The following CYTIP variants were observed in gnomAD, a reference collection of about 807,000 sequenced individuals.
CYTIP encodes cytohesin-interacting protein.
CYTIP carries 26 observed loss-of-function variants against 43.8 expected under a neutral mutation model. That is an observed-to-expected ratio of 0.59 (90% confidence interval 0.44 to 0.82). CYTIP has a LOEUF of 0.82. Ranked by LOEUF, CYTIP falls within the 40% of genes least tolerant of loss-of-function variation. CYTIP has a pLI of 0.00. For synonymous variants in CYTIP, 162 were observed against 162.9 expected (o/e 0.99, Z 0.04); for missense variants, 426 against 443.1 (o/e 0.96, Z 0.35).
At chr2:157,429,260 C>A (rs1439777572) in intron 5 of CYTIP, among the ~76,000 whole-genome samples, 3 of 152,172 alleles carry the variant, frequency 2.0e-5, no homozygotes, top group Non-Finnish European at 4.4e-5. Context: ...ACATGCCAAG[C>A]CCATTGTGAG....
intron 7 of CYTIP, 61 bp from the exon 8 acceptor site, chr2:157,416,204 T>C (rs1685438791): frequency 1.5e-6 from 2 of 1,327,020 alleles, no homozygotes; most frequent in East Asian, 2.3e-5. Flanking sequence ...ATAAATACAC[T>C]ACATCAAAAC....
chr2:157,438,561 G>A (rs1394244036), intron 1 of CYTIP, among the ~76,000 whole-genome samples: 1 of 152,192 alleles, frequency 6.6e-6, no homozygotes, highest in Non-Finnish European at 1.5e-5. Context: ...AATGATCATT[G>A]TGTGAGGGAG....
At chr2:157,422,732 C>T (rs1685541666) in intron 6 of CYTIP, among the ~76,000 whole-genome samples, 1 of 150,518 alleles carries the variant, frequency 6.6e-6, no homozygotes, top group Non-Finnish European at 1.5e-5. Flanking sequence ...TTTTATAATC[C>T]TCTGAGAGAT....
At chr2:157,443,429 A>G (rs1476417415) in intron 1 of CYTIP, among the ~76,000 whole-genome samples, 1 of 152,324 alleles carries the variant, frequency 6.6e-6, no homozygotes, top group South Asian at 2.1e-4. Context: ...TGTCCTCAGA[A>G]AAAGTATTTC....
At chr2:157,442,411 A>G (rs763862773) in intron 1 of CYTIP, among the ~76,000 whole-genome samples, 9 of 151,280 alleles carry the variant, frequency 5.9e-5, no homozygotes, top group Non-Finnish European at 1.2e-4. Flanking sequence ...GGTTGCAGGT[A>G]TGGAGGACAT....
intron 1 of CYTIP, among the ~76,000 whole-genome samples, chr2:157,438,425 T>C (rs536231067): frequency 6.6e-6 from 1 of 152,286 alleles, no homozygotes; most frequent in African/African-American, 2.4e-5. Flanking sequence ...GATAAAAAAT[T>C]ACAGCTAGAT....
At chr2:157,422,378 G>T (rs1181861179) in intron 6 of CYTIP, among the ~76,000 whole-genome samples, 5 of 152,082 alleles carry the variant, frequency 3.3e-5, no homozygotes, top group Non-Finnish European at 5.9e-5. Context: ...AAATAGAAAA[G>T]TGTTCAAGGC....
intron 5 of CYTIP, among the ~76,000 whole-genome samples, chr2:157,428,465 T>A (rs1029777419): frequency 3.3e-5 from 5 of 152,240 alleles, no homozygotes; most frequent in Non-Finnish European, 5.9e-5. Context: ...TGGGAATCCA[T>A]ATGAATCTGT....
chr2:157,430,678 G>T, intron 4 of CYTIP, 26 bp from the exon 5 acceptor site: 1 of 1,594,844 alleles, frequency 6.3e-7, no homozygotes. Context: ...AAAAATGAGT[G>T]TTATGTTGGT....
intron 6 of CYTIP, among the ~76,000 whole-genome samples, chr2:157,419,179 T>C (rs1374749281): frequency 6.6e-6 from 1 of 152,182 alleles, no homozygotes; most frequent in East Asian, 1.9e-4. Context: ...TCTGTCTTTT[T>C]AGTAGCGACG....
chr2:157,436,855 T>A (rs567474127), intron 1 of CYTIP, among the ~76,000 whole-genome samples: 15 of 152,306 alleles, frequency 9.8e-5, no homozygotes, highest in Non-Finnish European at 1.6e-4. Context: ...AGGAGAAATA[T>A]GTAAAGATAG....
At chr2:157,416,180 A>T in intron 7 of CYTIP, 37 bp from the exon 8 acceptor site, 1 of 1,488,408 alleles carries the variant, frequency 6.7e-7, no homozygotes, top group Non-Finnish European at 9.1e-7. Flanking sequence ...GGATCTGTTC[A>T]TTACTCCCTA....
chr2:157,416,236 A>C lies in CYTIP; in HGVS notation c.614-93T>G, dbSNP rs538901339. The C allele has an allele frequency of 7.1e-4, 746 of 1,055,280 alleles. 4 individuals are homozygous for C. The African/African-American group carries it at 0.011, about 15-fold the overall frequency. The allele number at this position is 1,055,280 out of a possible 1,614,324, so 65.4% of individuals were successfully genotyped here. ...AAACTTCTCTTTGAATGACACGAGAAAGAGTAAGGGTGAAAAATACTTTTC... is the reference window on the plus strand; with the variant it reads ...AAACTTCTCTTTGAATGACACGAGACAGAGTAAGGGTGAAAAATACTTTTC... On this transcript the variant is annotated intron_variant, in intron 7 of 7. Coordinates refer to ENST00000264192, the MANE Select transcript of CYTIP (RefSeq NM_004288.5).
chr2:157,434,849 TCACACACACACACACA>T (rs1214076041), intron 1 of CYTIP, 102 bp from the exon 2 acceptor site: 54 of 48,730 alleles, frequency 1.1e-3, no homozygotes, highest in African/African-American at 4.6e-3. Context: ...TCTCTCTCTC[TCACACACACACACACA>T]CACACACACA....
At chr2:157,434,030 C>A (rs1321207410) in intron 3 of CYTIP, 3 of 304,570 alleles carry the variant, frequency 9.8e-6, no homozygotes, top group Non-Finnish European at 1.8e-5. Flanking sequence ...AAAACACATG[C>A]AAATATATCA....
At chr2:157,439,993 C>G (rs1653160581) in intron 1 of CYTIP, among the ~76,000 whole-genome samples, 1 of 152,214 alleles carries the variant, frequency 6.6e-6, no homozygotes, top group Non-Finnish European at 1.5e-5. Flanking sequence ...CTTAGAGAAG[C>G]TCAAAGTTCA....
intron 3 of CYTIP, chr2:157,434,143 C>A: frequency 1.7e-6 from 1 of 571,862 alleles, no homozygotes; most frequent in Non-Finnish European, 3.1e-6. Flanking sequence ...AGCAACTAAG[C>A]ACAAACTGCT....
chr2:157,429,738 T>A (rs1057427630), intron 5 of CYTIP, among the ~76,000 whole-genome samples: 11 of 152,080 alleles, frequency 7.2e-5, no homozygotes, highest in Non-Finnish European at 1.5e-4. Flanking sequence ...ATTAAGAAGT[T>A]TGGGGCCAGG....
At chr2:157,423,932 T>TA (rs1234095118) in intron 6 of CYTIP, among the ~76,000 whole-genome samples, 1 of 152,178 alleles carries the variant, frequency 6.6e-6, no homozygotes, top group African/African-American at 2.4e-5. Context: ...AAGTATTTGA[T>TA]AAAGTTTAAT....
Sources: allele counts gnomAD v4.1 joint callset (sites outside exome capture counted in the v4.1 genomes callset), GRCh38; gene constraint gnomAD v4.1.1; transcripts MANE v1.5; gene names NCBI Gene and HGNC (gene_info 2026-07-23, HGNC 2026-07-21).